CHRNB4: variants seen among roughly 807,000 people sequenced by gnomAD.
The protein encoded by CHRNB4 is cholinergic receptor nicotinic beta 4 subunit.
A neutral mutation model predicts 40.4 loss-of-function variants in CHRNB4; 23 were observed. That is an observed-to-expected ratio of 0.57 (90% CI 0.41 to 0.81). CHRNB4 has a LOEUF of 0.81. CHRNB4 is among the 30% of genes least tolerant of loss of function. The pLI, the probability that CHRNB4 is intolerant of heterozygous loss-of-function variation, is 0.00. For missense variants in CHRNB4, 568 were observed against 670.6 expected (o/e 0.85, Z 1.69); for synonymous variants, 285 against 274.4 (o/e 1.04, Z -0.38).
At chr15:78,646,178 T>G (rs1405014102), upstream of CHRNB4, among the ~76,000 whole-genome samples, 4 of 152,094 alleles carry the variant, frequency 2.6e-5, no homozygotes, top group Admixed American at 2.6e-4. Flanking sequence ...ATGTACAAAT[T>G]GACCACTGGA....
intron 1 of CHRNB4, among the ~76,000 whole-genome samples, chr15:78,640,852 C>A (rs771067814): frequency 6.6e-6 from 1 of 152,168 alleles, no homozygotes; most frequent in Non-Finnish European, 1.5e-5. Context: ...GCAGCGGCTC[C>A]GAGAAGAGGC....
At chr15:78,628,577 T>C (rs2053715129) in intron 5 of CHRNB4, among the ~76,000 whole-genome samples, 1 of 152,176 alleles carries the variant, frequency 6.6e-6, no homozygotes, top group East Asian at 1.9e-4. Context: ...ATCCTGAGGC[T>C]TGTTCCCACG....
intron 2 of CHRNB4, among the ~76,000 whole-genome samples, chr15:78,633,564 C>T (rs1463332781): frequency 1.3e-5 from 2 of 152,220 alleles, no homozygotes; most frequent in Admixed American, 1.3e-4. Context: ...AGGCCATTTA[C>T]ATTTAATGTA....
chr15:78,655,297 C>T (rs563086973), intron 5 of CHRNB4, among the ~76,000 whole-genome samples: 11 of 151,568 alleles, frequency 7.3e-5, no homozygotes, highest in Non-Finnish European at 1.5e-4. Context: ...AGCCTCAACC[C>T]CCAGGCTCAA....
chr15:78,644,363 T>C (rs1309887701), upstream of CHRNB4, among the ~76,000 whole-genome samples: 4 of 111,378 alleles, frequency 3.6e-5, no homozygotes, highest in Non-Finnish European at 6.8e-5. Flanking sequence ...CAAGTCCTCA[T>C]AGATGACATT....
chr15:78,653,263 T>A (rs1298881591), intron 5 of CHRNB4, among the ~76,000 whole-genome samples: 2 of 152,208 alleles, frequency 1.3e-5, no homozygotes, highest in Non-Finnish European at 2.9e-5. Context: ...AGGCAGGACA[T>A]TAAGCTGTTT....
chr15:78,629,939 G>A lies in CHRNB4; in HGVS notation c.366C>T (p.Asp122=), dbSNP rs768950722. 3.3e-5 allele frequency: 52 copies of A among 1,577,320 alleles called. No individual in the cohort carries two copies. The highest frequency in any genetic ancestry group is 1.4e-4 in the Admixed American group (8 of 57,154). ...TGTAGACAGACACCTCATAGGTCCC[G>A]TCGGCGCTGGGCAGGGTCAGGGCAT... ...LPDIVLYNNA[D]GTYEVSVYTN... Residue 122 remains aspartate (D), a synonymous_variant, in exon 5 of 6, where the codon GAC becomes GAT. Coordinates refer to ENST00000261751, the MANE Select transcript of CHRNB4 (RefSeq NM_000750.5). This position sits in a 1 kb window ranked among gnomAD's most constrained non-coding sequence, Gnocchi z 6.8.
At chr15:78,649,335 G>A (rs1339919765) in intron 7 of CHRNB4, 3 of 441,216 alleles carry the variant, frequency 6.8e-6, no homozygotes, top group Admixed American at 2.6e-5. Flanking sequence ...CCACTTAGAT[G>A]TCCATCAACA....
upstream of CHRNB4, chr15:78,641,373 A>G: frequency 2.2e-6 from 1 of 453,764 alleles, no homozygotes; most frequent in Middle Eastern, 5.6e-4. Context: ...TGGCTTCCCT[A>G]TCTCTTCGGG....
intron 6 of CHRNB4, among the ~76,000 whole-genome samples, chr15:78,650,362 A>G (rs2054162331): frequency 6.6e-6 from 1 of 152,206 alleles, no homozygotes; most frequent in African/African-American, 2.4e-5. Context: ...GTGGAGTGAG[A>G]TGATAGATCT....
chr15:78,641,015 G>T, intron 1 of CHRNB4, 64 bp downstream of exon 1: 1 of 1,496,294 alleles, frequency 6.7e-7, no homozygotes, highest in Non-Finnish European at 9.1e-7. Context: ...TCCCACCTGT[G>T]GCCAGTCCAG....
In CHRNB4 at chr15:78,624,970, C is replaced by T. The variant is rs767409245; in HGVS notation, c.*163G>A. The T allele has an allele frequency of 6.4e-7, 1 of 1,555,394 alleles. No individual in the cohort carries two copies. Among genetic ancestry groups the T allele is most frequent in the African/African-American group, 1.4e-5 (1 of 73,900 alleles). On this transcript the variant is annotated 3_prime_UTR_variant, in exon 6 of 6. Coordinates refer to ENST00000261751, the MANE Select transcript of CHRNB4 (RefSeq NM_000750.5). ...TCCAAGGCATTCAGAGAGGACAGCC[C>T]AGGCCCCCATCCTTGCCTGTTCCAC... is the stretch of plus-strand genomic sequence containing the variant.
chr15:78,630,347 G>A (rs28634189), intron 4 of CHRNB4, among the ~76,000 whole-genome samples: 2,860 of 151,676 alleles, frequency 0.019, 72 homozygotes, highest in African/African-American at 0.057. Flanking sequence ...CATGTTGATC[G>A]GGCTGGTCTC....
chr15:78,641,394 T>G, upstream of CHRNB4: 8 of 430,294 alleles, frequency 1.9e-5, no homozygotes, highest in Admixed American at 4.7e-5. Flanking sequence ...CCTCGCAACC[T>G]TCCCCCAAGG....
intron 1 of CHRNB4, among the ~76,000 whole-genome samples, chr15:78,637,066 T>C (rs539455458): frequency 6.6e-6 from 1 of 152,272 alleles, no homozygotes; most frequent in East Asian, 1.9e-4. Flanking sequence ...AGACACCAAA[T>C]GGAGGGGTCC....
intron 1 of CHRNB4, among the ~76,000 whole-genome samples, chr15:78,636,425 T>TA (rs1193340329): frequency 1.3e-5 from 2 of 152,120 alleles, no homozygotes; most frequent in African/African-American, 4.8e-5. Flanking sequence ...TAGGTGGACT[T>TA]AAAAATCAAA....
At chr15:78,641,636 G>A (rs1485727647), upstream of CHRNB4, among the ~76,000 whole-genome samples, 1 of 152,208 alleles carries the variant, frequency 6.6e-6, no homozygotes, top group Non-Finnish European at 1.5e-5. Flanking sequence ...TGGGTGAGCC[G>A]ACGCGAGGGA....
At chr15:78,649,444 G>A (rs1246037907) in intron 6 of CHRNB4, 2 of 453,834 alleles carry the variant, frequency 4.4e-6, no homozygotes, top group African/African-American at 2.0e-5. Flanking sequence ...CTGGAGCTAA[G>A]AAGAATGGTT....
At chr15:78,644,435 A>G (rs1019124532), upstream of CHRNB4, among the ~76,000 whole-genome samples, 1 of 151,870 alleles carries the variant, frequency 6.6e-6, no homozygotes, top group African/African-American at 2.4e-5. Flanking sequence ...ATGAGAACAT[A>G]GCATTTGTCC....
Sources: allele counts gnomAD v4.1 joint callset (sites outside exome capture counted in the v4.1 genomes callset), GRCh38; gene constraint gnomAD v4.1.1; non-coding constraint Gnocchi (gnomAD v3.1); transcripts MANE v1.5; gene names NCBI Gene and HGNC (gene_info 2026-07-23, HGNC 2026-07-21).